BPIFB6: variants seen among roughly 807,000 people sequenced by gnomAD.
BPIFB6 encodes BPI fold-containing family B member 6.
In BPIFB6, 47 loss-of-function variants were observed where a neutral mutation model predicts 54.7. The ratio of observed to expected loss-of-function variants is 0.86; its 90% CI spans 0.68 to 1.10. The LOEUF (loss-of-function observed/expected upper bound fraction) is 1.10, where lower values mean the gene tolerates loss of function less well. Ranked by LOEUF, BPIFB6 falls within the 50% of genes least tolerant of loss-of-function variation. The pLI is 0.00. For missense variants in BPIFB6, 603 were observed against 564.1 expected, an observed-to-expected ratio of 1.07 and a Z score of -0.70; for synonymous variants, 255 against 225.9, an observed-to-expected ratio of 1.13 and a Z score of -1.16.
intron 3 of BPIFB6, 67 bp downstream of exon 3, chr20:33,034,357 T>G: frequency 9.5e-7 from 1 of 1,051,280 alleles, no homozygotes; most frequent in Non-Finnish European, 1.5e-6. Flanking sequence ...TACATGCACA[T>G]ATATTGAGTG....
chr20:33,033,561 G>A (rs1353984652), intron 2 of BPIFB6: 1 of 456,854 alleles, frequency 2.2e-6, no homozygotes, highest in South Asian at 1.5e-5. Context: ...GCAGGAACTA[G>A]GACTGTGATC....
rs1979610109 is a variant in BPIFB6, at chr20:33,042,004, G to A, written c.1177G>A (p.Gly393Ser). 1 of 1,613,912 alleles carries A rather than the reference G, an allele frequency of 6.2e-7. No homozygotes were observed. The highest frequency in any genetic ancestry group is 1.7e-5 in the Admixed American group (1 of 60,000). ...LSLSRKSSSI[G>S]NFNERELTGF... ...CTTGTCCCGGAAGTCCTCATCGATT[G>A]GCAACTTCAATGTAAGTGTCCCAAG... Residue 393 changes from glycine to serine, a missense_variant, in exon 12 of 15, where the codon GGC becomes AGC. By Grantham distance (56) the Gly-to-Ser change is moderately conservative. Transcript: ENST00000349552.
chr20:33,039,474 C>T lies in BPIFB6; in HGVS notation c.1028C>T (p.Ala343Val), dbSNP rs1336226503. ...CACAGCACCCTGGAGATGTTCGCAG[C>T]TCGGTGGCGGAGCAAGGCTCCAATG... is the stretch of plus-strand genomic sequence containing the variant. ...HLHSTLEMFA[A>V]RWRSKAPMSL... The change falls in exon 10 of 15, where the codon GCT (alanine) becomes GTT (valine). Residue 343 changes from alanine (A) to valine (V), a missense_variant. Ala to Val is a moderately conservative substitution (Grantham distance 64, BLOSUM62 0). Coordinates refer to ENST00000349552, the MANE Select transcript of BPIFB6 (RefSeq NM_174897.2). The T allele has an allele frequency of 6.2e-6, 10 of 1,613,914 alleles. No individual in the cohort carries two copies. The East Asian group carries it at 1.1e-4, about 18-fold the overall frequency.
chr20:33,039,416 A>G lies in BPIFB6; in HGVS notation c.970A>G (p.Thr324Ala), dbSNP rs549365003. 1.2e-6 allele frequency: 2 copies of G among 1,614,226 alleles called. No individual in the cohort carries two copies. The highest frequency in any genetic ancestry group is 2.7e-5 in the African/African-American group (2 of 75,074). Residue 324 changes from threonine (T) to alanine (A), a missense_variant, in exon 10 of 15, where the codon ACT becomes GCT. Coordinates refer to ENST00000349552, the MANE Select transcript of BPIFB6 (RefSeq NM_174897.2). ...CAAGATAAAGAAGCCTCCCAAGGTC[A>G]CTATGAAGACAGGCAAGAGCCTGCT... ...QIKIKKPPKV[T>A]MKTGKSLLHL...
intron 7 of BPIFB6, 58 bp downstream of exon 7, chr20:33,036,594 G>A (rs958824083): frequency 6.8e-7 from 1 of 1,473,078 alleles, no homozygotes; most frequent in Admixed American, 1.7e-5. Context: ...CTGGGTAGTG[G>A]GTGATGCTTC....
At chr20:33,040,180 G>A (rs1020552560) in intron 10 of BPIFB6, 71 bp from the exon 11 acceptor site, 5 of 1,374,732 alleles carry the variant, frequency 3.6e-6, no homozygotes, top group Non-Finnish European at 4.1e-6. Context: ...GAGGGTGGTG[G>A]TCTCTGGCTT....
intron 7 of BPIFB6, 139 bp downstream of exon 7, chr20:33,036,675 T>C: frequency 7.9e-6 from 6 of 758,156 alleles, no homozygotes; most frequent in African/African-American, 1.7e-5. Flanking sequence ...GCCAATGCCA[T>C]GTGGGTGTTT....
chr20:33,039,643 C>A, intron 10 of BPIFB6, 123 bp downstream of exon 10: 1 of 1,115,810 alleles, frequency 9.0e-7, no homozygotes, highest in Non-Finnish European at 1.2e-6. Flanking sequence ...TTGATTATGT[C>A]TGATCCTTGG....
At chr20:33,031,800 G>A (rs1334853861) in intron 1 of BPIFB6, 56 bp downstream of exon 1, 19 of 1,470,600 alleles carry the variant, frequency 1.3e-5, no homozygotes, top group Non-Finnish European at 1.8e-5. Flanking sequence ...GGGGTAGGTG[G>A]TAGGTAGTCA....
intron 10 of BPIFB6, among the ~76,000 whole-genome samples, chr20:33,040,025 G>A (rs1179836603): frequency 6.6e-6 from 1 of 152,172 alleles, no homozygotes; most frequent in Non-Finnish European, 1.5e-5. Context: ...ACAGTGCCAG[G>A]TATTTTGGGG....
chr20:33,033,495 T>C (rs1029483735), intron 2 of BPIFB6: 1 of 454,044 alleles, frequency 2.2e-6, no homozygotes, highest in African/African-American at 2.0e-5. Context: ...GATTGATCAG[T>C]AGGGGCTGCC....
Position 33,037,470 on chromosome 20 carries a change from G to T in BPIFB6, c.670-92G>T, listed in dbSNP as rs952369353. ...TTAATGATTTGCTGACTTTGGGTTT[G>T]GCTGGAGCCCCATTTGCTTGGAGGA... is the stretch of plus-strand genomic sequence containing the variant. On this transcript the variant is annotated intron_variant, in intron 7 of 14. Coordinates refer to ENST00000349552, the MANE Select transcript of BPIFB6 (RefSeq NM_174897.2). 29 of 1,301,232 alleles carry T rather than the reference G, an allele frequency of 2.2e-5. No homozygotes were observed. The African/African-American group carries it at 3.7e-4, about 17-fold the overall frequency. 80.6% of individuals were successfully genotyped at this position (1,301,232 alleles called of 1,614,324 possible).
At chr20:33,031,783 G>A (rs780122740) in intron 1 of BPIFB6, 39 bp downstream of exon 1, 10 of 1,564,700 alleles carry the variant, frequency 6.4e-6, no homozygotes, top group Admixed American at 3.4e-5. Context: ...GCTGGGAGGC[G>A]GTGCTTGGGG....
At chr20:33,033,978 A>G (rs952340577) in intron 2 of BPIFB6, among the ~76,000 whole-genome samples, 1 of 152,228 alleles carries the variant, frequency 6.6e-6, no homozygotes, top group Non-Finnish European at 1.5e-5. Context: ...CACCTCCCAT[A>G]TAATGAGTGC....
At position 33,038,917 on chromosome 20, in the gene BPIFB6, G is replaced by T. The variant is rs1301041856; in HGVS notation, c.855G>T (p.Glu285Asp). ...HVNIQDTMIG[E>D]LPPQTTKTLA... ...TGACTTTTATTCTGTAGATTGGTGA[G>T]CTGCCCCCACAAACCACCAAGACCC... The change falls in exon 9 of 15, where the codon GAG becomes GAT. Residue 285 changes from glutamate (E) to aspartate (D), a missense_variant. Coordinates refer to ENST00000349552, the MANE Select transcript of BPIFB6 (RefSeq NM_174897.2). 1 of 1,614,040 alleles carries T rather than the reference G, an allele frequency of 6.2e-7. No homozygotes were observed.
At chr20:33,038,992 C>A (rs747893426) in intron 9 of BPIFB6, 30 bp downstream of exon 9, 1 of 1,611,396 alleles carries the variant, frequency 6.2e-7, no homozygotes, top group Admixed American at 1.7e-5. Flanking sequence ...ATCACCACTG[C>A]ACCCTGTCCT....
rs567159737 is a variant in BPIFB6, at chr20:33,038,527, C to T, written c.847-382C>T. 4.6e-5 allele frequency among the ~76,000 whole-genome samples: 7 copies of T among 152,240 alleles called. No homozygotes were observed. The South Asian group carries it at 1.5e-3, about 32-fold the overall frequency. ...GTATTCTTCCTAGATTTCCACCTAC[C>T]CATCCATCCATTCATCATCCTCCCA... On this transcript the variant is annotated intron_variant, in intron 8 of 14. Transcript: ENST00000349552.
Position 33,040,321 on chromosome 20 carries a change from A to G in BPIFB6, c.1142+3A>G, listed in dbSNP as rs1338593442. 6.2e-7 allele frequency: 1 copy of G among 1,613,784 alleles called. No individual in the cohort carries two copies. The highest frequency in any genetic ancestry group is 8.5e-7 in the Non-Finnish European group (1 of 1,179,700). On this transcript the variant is annotated splice_donor_region_variant and intron_variant, in intron 11 of 14. Coordinates refer to ENST00000349552, the MANE Select transcript of BPIFB6 (RefSeq NM_174897.2). ...CAGATGGCCACTTCTTTGGACAGGT[A>G]CGACCCTGCTGCCCAATGCTGGCAT... is the stretch of plus-strand genomic sequence containing the variant.
At position 33,041,841 on chromosome 20, in the gene BPIFB6, G is replaced by A. The variant is rs898538100; in HGVS notation, c.1143-129G>A. The A allele has an allele frequency of 3.2e-5, 24 of 746,498 alleles. No individual in the cohort carries two copies. In the African/African-American group the frequency reaches 3.7e-4, roughly 11 times the overall value. The allele number at this position is 746,498 out of a possible 1,614,324, so 46.2% of individuals were successfully genotyped here. On this transcript the variant is annotated intron_variant, in intron 11 of 14. Transcript: ENST00000349552. ...CAGACTCAGGAGCACCTGGTCTGAA[G>A]GCTGTAGAGGGGACTCCTGCATCAG...
Sources: allele counts gnomAD v4.1 joint callset (sites outside exome capture counted in the v4.1 genomes callset), GRCh38; gene constraint gnomAD v4.1.1; transcripts MANE v1.5; gene names NCBI Gene and HGNC (gene_info 2026-07-23, HGNC 2026-07-21).